The following HAPLN3 variants were observed in gnomAD, a reference collection of about 807,000 sequenced individuals.
The protein encoded by HAPLN3 is extracellular link domain containing, 1.
A neutral mutation model predicts 28.1 loss-of-function variants in HAPLN3; 28 were observed. That is an observed-to-expected ratio of 1.00 (90% confidence interval 0.74 to 1.37). The LOEUF (loss-of-function observed/expected upper bound fraction) is 1.37, where lower values mean the gene tolerates loss of function less well. Ranked by LOEUF, HAPLN3 falls within the 40% of genes most tolerant of loss-of-function variation. The probability of loss-of-function intolerance (pLI) is 0.00; values close to 1 mark genes in which losing one functional copy is unlikely to be tolerated. For missense variants in HAPLN3, 513 were observed against 504.6 expected (o/e 1.02, Z -0.16); for synonymous variants, 211 against 213.1 (o/e 0.99, Z 0.09).
At chr15:88,882,626 C>G (rs1414492281) in intron 2 of HAPLN3, among the ~76,000 whole-genome samples, 1 of 152,204 alleles carries the variant, frequency 6.6e-6, no homozygotes, top group Non-Finnish European at 1.5e-5. Context: ...AAGGCTGCCT[C>G]ATCTTTAACT....
rs1324968700 is a variant in HAPLN3 at position 88,880,508 on chromosome 15, T to A, written c.493+849A>T. ...AAGGGGGATGAGGCATTTACCCACA[T>A]GTCATAGCTGGGACGGGCTGGGGCT... On this transcript the variant is annotated intron_variant, in intron 3 of 4. Transcript: ENST00000359595. This position sits in a 1 kb window ranked among gnomAD's most constrained non-coding sequence, Gnocchi z 6.0. The A allele has an allele frequency of 3.1e-6, 4 of 1,273,960 alleles. No homozygotes were observed. The South Asian group carries it at 5.0e-5, about 16-fold the overall frequency. The allele number at this position is 1,273,960 out of a possible 1,614,324, so 78.9% of individuals were successfully genotyped here.
In HAPLN3 at chr15:88,879,092, T is replaced by A; in HGVS notation, c.671A>T (p.Tyr224Phe). Residue 224 changes from tyrosine to phenylalanine, a missense_variant, in exon 4 of 5, where the codon TAC (tyrosine) becomes TTC (phenylalanine). By Grantham distance (22) the Tyr-to-Phe change is conservative. Transcript: ENST00000359595. This position sits in a 1 kb window ranked among gnomAD's most constrained non-coding sequence, Gnocchi z 5.0. Reference sequence around the variant, plus strand: ...GGGCTGCCGGGGCAACATGATGGGGTACTGCACCGTGGCATCCTGCAGCCA... The same window carrying A: ...GGGCTGCCGGGGCAACATGATGGGGAACTGCACCGTGGCATCCTGCAGCCA... The part of the protein sequence containing the change: ...AGWLQDATVQ[Y>F]PIMLPRQPCG... 3 of 1,611,270 alleles carry A rather than the reference T, an allele frequency of 1.9e-6. No homozygotes were observed. The highest frequency in any genetic ancestry group is 2.5e-6 in the Non-Finnish European group (3 of 1,178,956).
chr15:88,885,351 C>T (rs1897821144), intron 2 of HAPLN3, among the ~76,000 whole-genome samples: 1 of 152,252 alleles, frequency 6.6e-6, no homozygotes, highest in Admixed American at 6.5e-5. Context: ...TCTCAGCTTA[C>T]TGCAACCTCC....
chr15:88,886,999 C>T (rs1473442318), intron 2 of HAPLN3, among the ~76,000 whole-genome samples, 176 bp downstream of exon 2: 3 of 152,106 alleles, frequency 2.0e-5, no homozygotes, highest in Non-Finnish European at 2.9e-5. Context: ...CTGGCGAACA[C>T]AGGAAAATGA....
intron 2 of HAPLN3, among the ~76,000 whole-genome samples, chr15:88,883,406 C>T (rs1167956265): frequency 6.6e-6 from 1 of 152,240 alleles, no homozygotes; most frequent in Non-Finnish European, 1.5e-5. Context: ...GAAGTCAAGA[C>T]TCAGCTTCCC....
rs1316942635 is a variant in HAPLN3, at chr15:88,890,115, G to A, written c.-47-2770C>T. On this transcript the variant is annotated intron_variant, in intron 1 of 4. Coordinates refer to ENST00000359595, the MANE Select transcript of HAPLN3 (RefSeq NM_178232.4). ...ACAGCATTGGCTTGTTAGAGTGATGGGATTGTGGAGGAAACATTCTTGTTT... is the reference window on the plus strand; with the variant it reads ...ACAGCATTGGCTTGTTAGAGTGATGAGATTGTGGAGGAAACATTCTTGTTT... Among the ~76,000 whole-genome samples, 4 of 152,136 alleles carry A rather than the reference G, an allele frequency of 2.6e-5. No individual in the cohort carries two copies. The East Asian group carries it at 7.7e-4, about 29-fold the overall frequency.
intron 2 of HAPLN3, among the ~76,000 whole-genome samples, chr15:88,883,246 C>CAAA (rs1897755700): frequency 6.6e-6 from 1 of 152,246 alleles, no homozygotes; most frequent in African/African-American, 2.4e-5. Context: ...GCCTCAGAGA[C>CAAA]TCTGGGAATG....
intron 1 of HAPLN3, 64 bp from the exon 2 acceptor site, chr15:88,887,409 G>A: frequency 7.1e-7 from 1 of 1,403,388 alleles, no homozygotes; most frequent in Non-Finnish European, 9.7e-7. Context: ...CATCCCCTCT[G>A]CTCCAACACC....
chr15:88,882,602 C>G (rs1187460349), intron 2 of HAPLN3, among the ~76,000 whole-genome samples: 6 of 152,214 alleles, frequency 3.9e-5, no homozygotes, highest in Non-Finnish European at 8.8e-5. Context: ...ACAAAAGAAT[C>G]AAGTTCATAG....
chr15:88,880,981 T>C lies in HAPLN3; in HGVS notation c.493+376A>G, dbSNP rs1897681016. ...TCTCACAGTGGGCTGCCTCATTCGC[T>C]TGTGTTACCCGCTAACCTTGCTTAA... On this transcript the variant is annotated intron_variant, in intron 3 of 4. Transcript: ENST00000359595. The surrounding 1 kb of genome is among the most constrained non-coding windows in gnomAD (Gnocchi z 6.0). Among the ~76,000 whole-genome samples the C allele has an allele frequency of 6.6e-6, 1 of 152,092 alleles. No individual in the cohort carries two copies. The highest frequency in any genetic ancestry group is 1.5e-5 in the Non-Finnish European group (1 of 68,012).
At position 88,882,935 on chromosome 15, in the gene HAPLN3, G is replaced by C. The variant is rs965271275; in HGVS notation, c.125-1210C>G. ...GTGGGAGTATTGTTTCAGCCCAGAAGTCAAGGCTGCAGTGAGTCATGATCG... is the reference window on the plus strand; with the variant it reads ...GTGGGAGTATTGTTTCAGCCCAGAACTCAAGGCTGCAGTGAGTCATGATCG... On this transcript the variant is annotated intron_variant, in intron 2 of 4. Coordinates refer to ENST00000359595, the MANE Select transcript of HAPLN3 (RefSeq NM_178232.4). Among the ~76,000 whole-genome samples, 13 of 152,302 alleles carry C rather than the reference G, an allele frequency of 8.5e-5. No individual in the cohort carries two copies. In the East Asian group the frequency reaches 2.5e-3, roughly 29 times the overall value.
chr15:88,887,453 C>T (rs1897895507), intron 1 of HAPLN3, 108 bp from the exon 2 acceptor site: 2 of 980,708 alleles, frequency 2.0e-6, no homozygotes, highest in Admixed American at 2.5e-5. Context: ...CACTGCGGGA[C>T]ACCTGCCGCC....
intron 1 of HAPLN3, chr15:88,892,882 C>T (rs1456880761): frequency 7.4e-7 from 1 of 1,356,006 alleles, no homozygotes; most frequent in Non-Finnish European, 1.0e-6. Context: ...AGCCTCTGCT[C>T]CCCTACCATG....
At chr15:88,885,665 C>T (rs1369511671) in intron 2 of HAPLN3, among the ~76,000 whole-genome samples, 1 of 152,278 alleles carries the variant, frequency 6.6e-6, no homozygotes, top group African/African-American at 2.4e-5. Flanking sequence ...CCAGGTTGGT[C>T]AGAATGGTCT....
At position 88,880,327 on chromosome 15, in the gene HAPLN3, C is replaced by T. The variant is rs895973538; in HGVS notation, c.493+1030G>A. 1.9e-6 allele frequency: 2 copies of T among 1,070,024 alleles called. No homozygotes were observed. Among genetic ancestry groups the T allele is most frequent in the Non-Finnish European group, 2.3e-6 (2 of 878,486 alleles). The allele number at this position is 1,070,024 out of a possible 1,614,324, so 66.3% of individuals were successfully genotyped here. A position where few individuals can be genotyped will look rare whatever the true frequency, so the allele number is the denominator to read the frequency against. On this transcript the variant is annotated intron_variant, in intron 3 of 4. Coordinates refer to ENST00000359595, the MANE Select transcript of HAPLN3 (RefSeq NM_178232.4). The surrounding 1 kb of genome is among the most constrained non-coding windows in gnomAD (Gnocchi z 6.0). ...ACCCCAACTTCAAGAATGAGGAATG[C>T]GGCCCCTCTGAGCCACCATGTAAGC...
Position 88,877,775 on chromosome 15 carries a change from T to C in HAPLN3, c.*195A>G, listed in dbSNP as rs1013163592. 1.4e-4 allele frequency: 87 copies of C among 601,852 alleles called. 1 individual carries two copies. The East Asian group carries it at 2.5e-3, about 18-fold the overall frequency. 37.3% of individuals were successfully genotyped at this position (601,852 alleles called of 1,614,324 possible). ...GGCCCAGGGGAGCAAGCATGATTCC[T>C]GGAGTGGGGCATCCAGGAGCAAAGG... On this transcript the variant is annotated 3_prime_UTR_variant, in exon 5 of 5. Coordinates refer to ENST00000359595, the MANE Select transcript of HAPLN3 (RefSeq NM_178232.4). The surrounding 1 kb of genome is among the most constrained non-coding windows in gnomAD (Gnocchi z 5.1).
intron 2 of HAPLN3, among the ~76,000 whole-genome samples, chr15:88,885,371 G>C (rs1205685647): frequency 6.6e-6 from 1 of 152,054 alleles, no homozygotes; most frequent in Non-Finnish European, 1.5e-5. Context: ...CTCCTCCCAG[G>C]TTCAAGCAAT....
rs759420678 is a variant in HAPLN3 at position 88,877,956 on chromosome 15, G to C, written c.*14C>G. 3 of 1,574,602 alleles carry C rather than the reference G, an allele frequency of 1.9e-6. No individual in the cohort carries two copies. Among genetic ancestry groups the C allele is most frequent in the Non-Finnish European group, 2.6e-6 (3 of 1,159,498 alleles). On this transcript the variant is annotated 3_prime_UTR_variant, in exon 5 of 5. Transcript: ENST00000359595. This position sits in a 1 kb window ranked among gnomAD's most constrained non-coding sequence, Gnocchi z 5.1. ...CAGCCAGTGAGGGAATGCGGCAGGGGAGGGCCCCAGGTCCTAGTGCTGGCG... is the reference window on the plus strand; with the variant it reads ...CAGCCAGTGAGGGAATGCGGCAGGGCAGGGCCCCAGGTCCTAGTGCTGGCG...
chr15:88,894,204 G>A (rs1429853359), intron 1 of HAPLN3, among the ~76,000 whole-genome samples: 3 of 152,166 alleles, frequency 2.0e-5, no homozygotes, highest in Non-Finnish European at 2.9e-5. Context: ...TGAGGAAACT[G>A]AGGCCAAGAG....
Sources: gnomAD v4.1 joint callset for allele counts (sites outside exome capture counted in the v4.1 genomes callset) on GRCh38, gnomAD v4.1.1 for gene constraint, Gnocchi (gnomAD v3.1) non-coding constraint, MANE v1.5 for transcripts, NCBI Gene and HGNC (gene_info 2026-07-23, HGNC 2026-07-21) for gene names.